The following VPS13A variants were observed in gnomAD, a reference collection of about 807,000 sequenced individuals.
VPS13A encodes intermembrane lipid transfer protein VPS13A.
In VPS13A, 264 loss-of-function variants were observed where a neutral mutation model predicts 390.9. The ratio of observed to expected loss-of-function variants is 0.68; its 90% confidence interval spans 0.61 to 0.75. The LOEUF (loss-of-function observed/expected upper bound fraction) is 0.75. Ranked by LOEUF, VPS13A falls within the 30% of genes least tolerant of loss-of-function variation. VPS13A has a pLI of 0.00. For synonymous variants in VPS13A, 1,231 were observed against 1,227.1 expected (o/e 1.00, Z -0.07); for missense variants, 3,409 against 3,733.9 (o/e 0.91, Z 2.27).
intron 46 of VPS13A, among the ~76,000 whole-genome samples, chr9:77,335,182 G>A (rs1368013661): frequency 6.6e-6 from 1 of 152,156 alleles, no homozygotes; most frequent in African/African-American, 2.4e-5. Flanking sequence ...AAATATTTAT[G>A]AAATGTTTAT....
chr9:77,319,632 G>T lies in VPS13A; in HGVS notation c.5374G>T (p.Asp1792Tyr), dbSNP rs147046729. 7 of 1,611,560 alleles carry T rather than the reference G, an allele frequency of 4.3e-6. No individual in the cohort carries two copies. In the African/African-American group the frequency reaches 9.4e-5, roughly 22 times the overall value. Residue 1792 changes from aspartate (D) to tyrosine (Y), a missense_variant, in exon 42 of 72, where the codon GAT (aspartate) becomes TAT (tyrosine). By Grantham distance (160) the Asp-to-Tyr change is radical. Around this residue, in one of 5 missense-constraint regions of VPS13A, gnomAD observed 2,717 missense variants for 2,917.4 expected, o/e 0.93. Transcript: ENST00000360280. ...GCCTTTGCTTGAACCCTTAGAAATT[G>T]ATCAGACTGAGGATTTTAGACCATG... ...WEPLLEPLEI[D>Y]QTEDFRPWNL... is the part of the protein sequence containing the mutation.
intron 67 of VPS13A, among the ~76,000 whole-genome samples, chr9:77,376,585 TTA>T (rs1365077122): frequency 2.0e-5 from 3 of 152,200 alleles, no homozygotes; most frequent in African/African-American, 7.2e-5. Context: ...TCTAAAGTTT[TTA>T]TGTGTAGTAC....
intron 33 of VPS13A, among the ~76,000 whole-genome samples, 153 bp from the exon 34 acceptor site, chr9:77,302,762 A>AT (rs1332487374): frequency 3.3e-5 from 5 of 152,146 alleles, no homozygotes; most frequent in Admixed American, 6.6e-5. Flanking sequence ...ATTTTGACAG[A>AT]TAAAAAAAAA....
intron 20 of VPS13A, among the ~76,000 whole-genome samples, chr9:77,247,935 T>C (rs997682763): frequency 3.9e-5 from 6 of 152,014 alleles, no homozygotes; most frequent in Admixed American, 3.9e-4. Context: ...CTGGGATTAC[T>C]GGCGTGAGCC....
intron 29 of VPS13A, 81 bp from the exon 30 acceptor site, chr9:77,283,274 A>G (rs1827145052): frequency 1.2e-6 from 1 of 821,670 alleles, no homozygotes; most frequent in East Asian, 2.5e-5. Flanking sequence ...TTGTGGTGAT[A>G]TTTCAGTTAC....
At position 77,280,160 on chromosome 9, in the gene VPS13A, T is replaced by C; in HGVS notation, c.2826T>C (p.Asp942=). The C allele has an allele frequency of 3.1e-6, 5 of 1,605,334 alleles. No individual in the cohort carries two copies. Among genetic ancestry groups the C allele is most frequent in the Non-Finnish European group, 4.3e-6 (5 of 1,174,764 alleles). Residue 942 remains aspartate, a splice_region_variant and synonymous_variant, in exon 27 of 72, where the codon GAT becomes GAC. Transcript: ENST00000360280. ...TAATTTTTAAAAAATTATTTTTAGA[T>C]GAAAACAAGAAACCAGTTTATTTGG... The part of the protein sequence containing the change: ...EFCLKCPEYL[D]ENKKPVYLVT...
At chr9:77,363,135 G>A (rs1013930725) in intron 59 of VPS13A, among the ~76,000 whole-genome samples, 2 of 152,052 alleles carry the variant, frequency 1.3e-5, no homozygotes, top group African/African-American at 2.4e-5. Context: ...AGAAATTGGT[G>A]ACACATTAAA....
chr9:77,264,425 G>A (rs968633844), intron 23 of VPS13A, among the ~76,000 whole-genome samples: 1 of 152,160 alleles, frequency 6.6e-6, no homozygotes, highest in African/African-American at 2.4e-5. Context: ...TCCTATCAGT[G>A]AGCATGGAAT....
At chr9:77,291,182 A>C (rs1022520402) in intron 31 of VPS13A, among the ~76,000 whole-genome samples, 1 of 152,130 alleles carries the variant, frequency 6.6e-6, no homozygotes, top group African/African-American at 2.4e-5. Context: ...TTCTCATAGT[A>C]GGGTGAACCC....
intron 40 of VPS13A, 57 bp downstream of exon 40, chr9:77,317,755 C>T: frequency 7.5e-7 from 1 of 1,334,026 alleles, no homozygotes; most frequent in Non-Finnish European, 1.0e-6. Context: ...GTAGTAAAGC[C>T]TAGAAAGTTA....
intron 23 of VPS13A, among the ~76,000 whole-genome samples, chr9:77,261,966 A>G (rs78307945): frequency 1.3e-3 from 203 of 152,280 alleles, no homozygotes; most frequent in African/African-American, 4.8e-3. Context: ...AAATGTTAAA[A>G]TTTTATTCGA....
intron 1 of VPS13A, among the ~76,000 whole-genome samples, chr9:77,181,453 T>C (rs1208632743): frequency 6.6e-6 from 1 of 150,502 alleles, no homozygotes; most frequent in Non-Finnish European, 1.5e-5. Context: ...GAGGCATAGG[T>C]TGCAGTGAGC....
intron 55 of VPS13A, 137 bp from the exon 56 acceptor site, chr9:77,357,555 A>G (rs1445719731): frequency 2.4e-6 from 2 of 829,504 alleles, no homozygotes; most frequent in East Asian, 5.4e-5. Flanking sequence ...AATTTTATGG[A>G]CATGGGATAT....
chr9:77,212,285 G>A (rs1826014503), intron 7 of VPS13A, among the ~76,000 whole-genome samples: 1 of 151,832 alleles, frequency 6.6e-6, no homozygotes, highest in Admixed American at 6.6e-5. Context: ...TGTCTGTTTT[G>A]CATTATATTC....
At chr9:77,303,803 A>G (rs1828534077) in intron 34 of VPS13A, among the ~76,000 whole-genome samples, 1 of 152,196 alleles carries the variant, frequency 6.6e-6, no homozygotes, top group Non-Finnish European at 1.5e-5. Flanking sequence ...GTAAAGAATA[A>G]CAAAGCAGCA....
intron 61 of VPS13A, 45 bp from the exon 62 acceptor site, chr9:77,368,010 T>C (rs781652940): frequency 3.3e-6 from 5 of 1,511,436 alleles, no homozygotes; most frequent in Non-Finnish European, 4.5e-6. Flanking sequence ...AAAAATACTT[T>C]CTTCATACAC....
chr9:77,250,213 G>T lies in VPS13A; in HGVS notation c.2154G>T (p.Leu718=). 1 of 1,613,600 alleles carries T rather than the reference G, an allele frequency of 6.2e-7. No individual in the cohort carries two copies. Among genetic ancestry groups the T allele is most frequent in the Non-Finnish European group, 8.5e-7 (1 of 1,179,884 alleles). ...ATATTCAACTTACAAGTGTACAGCT[G>T]CTTTACAGTAGAGTTGGTGAGTATA... ...SFDIQLTSVQ[L]LYSRVGDNWR... Residue 718 remains leucine, a synonymous_variant, in exon 21 of 72, where the codon CTG becomes CTT. Transcript: ENST00000360280.
chr9:77,247,308 T>C lies in VPS13A; in HGVS notation c.1950T>C (p.Asn650=). The C allele has an allele frequency of 1.2e-6, 2 of 1,608,910 alleles. No homozygotes were observed. Among genetic ancestry groups the C allele is most frequent in the Non-Finnish European group, 1.7e-6 (2 of 1,177,444 alleles). The change falls in exon 20 of 72, where the codon AAT becomes AAC. Residue 650 remains asparagine (N), a synonymous_variant. Transcript: ENST00000360280. ...ETQKVLDLKI[N]LKASYIIVPQ... ...AGAAAGTTCTTGATCTCAAAATTAATTTGAAGGCTTCATATATTATTGTCC... is the reference window on the plus strand; with the variant it reads ...AGAAAGTTCTTGATCTCAAAATTAACTTGAAGGCTTCATATATTATTGTCC...
At chr9:77,407,236 T>C (rs1433957095) in intron 70 of VPS13A, among the ~76,000 whole-genome samples, 1 of 152,192 alleles carries the variant, frequency 6.6e-6, no homozygotes, top group African/African-American at 2.4e-5. Context: ...GTGGCACTAC[T>C]CCCCAACTTA....
Sources: allele counts gnomAD v4.1 joint callset (sites outside exome capture counted in the v4.1 genomes callset), GRCh38; gene constraint gnomAD v4.1.1; regional missense constraint gnomAD v4.1.1; transcripts MANE v1.5; gene names NCBI Gene and HGNC (gene_info 2026-07-23, HGNC 2026-07-21).